The following CDYL2 variants were observed in gnomAD, a reference collection of about 807,000 sequenced individuals.
CDYL2 encodes the protein chromodomain Y-like protein 2.
Under a neutral mutation model 49.4 loss-of-function variants are expected in CDYL2, and 23 were observed. That is an observed-to-expected ratio of 0.47 (90% CI 0.34 to 0.66). The LOEUF is 0.66. CDYL2 is among the 30% of genes least tolerant of loss of function. The pLI is 0.01. For missense variants in CDYL2, 678 were observed against 656.4 expected (o/e 1.03, Z -0.36); for synonymous variants, 360 against 268.8 (o/e 1.34, Z -3.32).
chr16:80,729,909 C>A (rs986828110), intron 1 of CDYL2, among the ~76,000 whole-genome samples: 6 of 152,030 alleles, frequency 3.9e-5, no homozygotes, highest in African/African-American at 1.4e-4. Flanking sequence ...CCAACGAGAA[C>A]AAAGACACAA....
In CDYL2 at chr16:80,601,947, C is replaced by T. The variant is rs567425380; in HGVS notation, c.*2441G>A. 1 of 152,156 alleles carries T rather than the reference C, an allele frequency of 6.6e-6. No homozygotes were observed. Among genetic ancestry groups the T allele is most frequent in the Non-Finnish European group, 1.5e-5 (1 of 68,026 alleles). The allele number at this position is 152,156 out of a possible 1,614,324, so 9.4% of individuals were successfully genotyped here. On this transcript the variant is annotated 3_prime_UTR_variant, in exon 7 of 7. Coordinates refer to ENST00000570137, the MANE Select transcript of CDYL2 (RefSeq NM_152342.4). ...CTGAAGCATTTCTAGTTCTTTCAAG[C>T]AGGGAATGAAGGTGGACACTGATCT...
chr16:80,697,906 A>T (rs971534753), intron 1 of CDYL2, among the ~76,000 whole-genome samples: 8 of 152,288 alleles, frequency 5.3e-5, no homozygotes, highest in South Asian at 2.1e-4. Context: ...AGATAAGATT[A>T]AAAAAATGGA....
In CDYL2 at chr16:80,612,653, G is replaced by A. The variant is rs1200664754; in HGVS notation, c.1191C>T (p.Thr397=). ...GCGCGACGCCCAGGATCTGGGGGAAGGTGTAGGAGGAGCAGCCAGCAGGCG... is the reference window on the plus strand; with the variant it reads ...GCGCGACGCCCAGGATCTGGGGGAAAGTGTAGGAGGAGCAGCCAGCAGGCG... The part of the protein sequence containing the change: ...RLTPAGCSSY[T]FPQILGVALA... The change falls in exon 5 of 7, where the codon ACC becomes ACT. Residue 397 remains threonine, a synonymous_variant. Coordinates refer to ENST00000570137, the MANE Select transcript of CDYL2 (RefSeq NM_152342.4). The surrounding 1 kb of genome is among the most constrained non-coding windows in gnomAD (Gnocchi z 5.0). 16 of 1,611,676 alleles carry A rather than the reference G, an allele frequency of 9.9e-6. No homozygotes were observed. The highest frequency in any genetic ancestry group is 1.4e-5 in the Non-Finnish European group (16 of 1,179,232).
At chr16:80,796,208 T>A (rs528788381) in intron 1 of CDYL2, among the ~76,000 whole-genome samples, 2 of 152,346 alleles carry the variant, frequency 1.3e-5, no homozygotes, top group South Asian at 2.1e-4. Context: ...AATTTCTAGC[T>A]CTTCAGGGAA....
intron 1 of CDYL2, among the ~76,000 whole-genome samples, chr16:80,723,593 C>A (rs1311871328): frequency 3.3e-5 from 5 of 152,146 alleles, no homozygotes; most frequent in Non-Finnish European, 7.4e-5. Flanking sequence ...CAGGATAGTC[C>A]CCCATGTTCC....
intron 6 of CDYL2, among the ~76,000 whole-genome samples, chr16:80,606,047 T>C (rs375933923): frequency 6.0e-4 from 91 of 152,348 alleles, no homozygotes; most frequent in African/African-American, 2.1e-3. Flanking sequence ...CATTCTTCGC[T>C]GGCCTCCACC....
intron 3 of CDYL2, among the ~76,000 whole-genome samples, chr16:80,631,986 C>T (rs527717931): frequency 6.6e-6 from 1 of 152,182 alleles, no homozygotes; most frequent in Admixed American, 6.5e-5. Flanking sequence ...TTTTGCAGTT[C>T]CTCGAAAAAT....
chr16:80,704,822 T>C lies in CDYL2; in HGVS notation c.25-19693A>G, dbSNP rs536538399. On this transcript the variant is annotated intron_variant, in intron 1 of 6. Coordinates refer to ENST00000570137, the MANE Select transcript of CDYL2 (RefSeq NM_152342.4). ...GAAGCCAAAAGGGACTGGGGCATGT[T>C]GAGAGATGAGAGTAAGAAAACAGAC... Among the ~76,000 whole-genome samples the C allele has an allele frequency of 2.6e-5, 4 of 152,332 alleles. No homozygotes were observed. In the East Asian group the frequency reaches 7.7e-4, roughly 29 times the overall value.
intron 2 of CDYL2, chr16:80,639,567 TC>T: frequency 2.4e-6 from 1 of 409,274 alleles, no homozygotes; most frequent in Non-Finnish European, 4.8e-6. Flanking sequence ...AATAGAAGGC[TC>T]CATGGATTGT....
At chr16:80,622,016 G>A (rs888597081) in intron 3 of CDYL2, among the ~76,000 whole-genome samples, 1 of 152,200 alleles carries the variant, frequency 6.6e-6, no homozygotes, top group Non-Finnish European at 1.5e-5. Context: ...CCAGGAAACA[G>A]ATGCCTAGAG....
intron 1 of CDYL2, among the ~76,000 whole-genome samples, chr16:80,687,348 A>G (rs1169920957): frequency 6.6e-6 from 1 of 152,152 alleles, no homozygotes; most frequent in Non-Finnish European, 1.5e-5. Context: ...TTAGACAAAT[A>G]GCCAACACAA....
chr16:80,651,966 G>C (rs1051021578), intron 2 of CDYL2, among the ~76,000 whole-genome samples: 11 of 152,158 alleles, frequency 7.2e-5, no homozygotes, highest in Admixed American at 1.3e-4. Context: ...ATGTGACCAC[G>C]GGTTAGAGTT....
intron 1 of CDYL2, among the ~76,000 whole-genome samples, chr16:80,760,163 G>A (rs1179871501): frequency 6.6e-6 from 1 of 152,162 alleles, no homozygotes; most frequent in Non-Finnish European, 1.5e-5. Flanking sequence ...ATCCAACTTG[G>A]GGATGCATTA....
At chr16:80,736,197 C>T (rs1331126113) in intron 1 of CDYL2, among the ~76,000 whole-genome samples, 1 of 152,234 alleles carries the variant, frequency 6.6e-6, no homozygotes, top group Non-Finnish European at 1.5e-5. Flanking sequence ...GTGACACATC[C>T]CCACCATCAA....
At chr16:80,663,463 T>C (rs569507793) in intron 2 of CDYL2, among the ~76,000 whole-genome samples, 1 of 152,280 alleles carries the variant, frequency 6.6e-6, no homozygotes, top group African/African-American at 2.4e-5. Context: ...AACTGTCATC[T>C]GGCATGTTAA....
intron 2 of CDYL2, among the ~76,000 whole-genome samples, chr16:80,649,624 T>G (rs1271816767): frequency 1.3e-5 from 2 of 152,050 alleles, no homozygotes; most frequent in African/African-American, 4.8e-5. Flanking sequence ...AATACAAAAT[T>G]TATATGGAAC....
intron 2 of CDYL2, among the ~76,000 whole-genome samples, chr16:80,671,389 C>T (rs191488441): frequency 2.0e-5 from 3 of 152,314 alleles, no homozygotes; most frequent in Admixed American, 1.3e-4. Context: ...ATTAGAGTGG[C>T]TGCCACAAGT....
intron 2 of CDYL2, among the ~76,000 whole-genome samples, chr16:80,677,163 G>C (rs1321363655): frequency 6.6e-6 from 1 of 151,198 alleles, no homozygotes; most frequent in Non-Finnish European, 1.5e-5. Flanking sequence ...GGAGAGACAG[G>C]GTTTCGCCAT....
rs560242468 is a variant in CDYL2 at position 80,612,104 on chromosome 16, G to C, written c.1218+522C>G. On this transcript the variant is annotated intron_variant, in intron 5 of 6. Coordinates refer to ENST00000570137, the MANE Select transcript of CDYL2 (RefSeq NM_152342.4). The surrounding 1 kb of genome is among the most constrained non-coding windows in gnomAD (Gnocchi z 5.0). ...GCAGGCGCATGTGACCAGAAGCTGA[G>C]TCATGGCCAATACCACATGAGTGGA... 2.0e-5 allele frequency among the ~76,000 whole-genome samples: 3 copies of C among 152,230 alleles called. No homozygotes were observed. Among genetic ancestry groups the C allele is most frequent in the Non-Finnish European group, 4.4e-5 (3 of 68,046 alleles).
Sources: allele counts gnomAD v4.1 joint callset (sites outside exome capture counted in the v4.1 genomes callset), GRCh38; gene constraint gnomAD v4.1.1; non-coding constraint Gnocchi (gnomAD v3.1); transcripts MANE v1.5; gene names NCBI Gene and HGNC (gene_info 2026-07-23, HGNC 2026-07-21).